EEPD1: variants seen among roughly 807,000 people sequenced by gnomAD.
EEPD1 encodes endonuclease/exonuclease/phosphatase family domain containing 1.
EEPD1 carries 17 observed loss-of-function variants against 46.3 expected under a neutral mutation model. That is an observed-to-expected ratio of 0.37 (90% CI 0.25 to 0.55). The LOEUF is 0.55. Among genes scored for constraint, EEPD1 ranks in the 20% least tolerant of loss-of-function variants. EEPD1 has a pLI of 0.83. For synonymous variants in EEPD1, 313 were observed against 315.6 expected (o/e 0.99, Z 0.09); for missense variants, 673 against 745.6 (o/e 0.90, Z 1.13).
chr7:36,287,519 C>A (rs1464461219), intron 5 of EEPD1, 120 bp from the exon 6 acceptor site: 5 of 1,438,350 alleles, frequency 3.5e-6, no homozygotes, highest in South Asian at 2.8e-5. Flanking sequence ...TGTGAGCCAG[C>A]CTTGTTCTTG....
chr7:36,178,335 G>A (rs1785218710), intron 2 of EEPD1, among the ~76,000 whole-genome samples: 1 of 152,178 alleles, frequency 6.6e-6, no homozygotes, highest in Admixed American at 6.5e-5. Context: ...CAGTAAAGGT[G>A]GAATTCTGAA....
At chr7:36,237,730 CA>C (rs1786480564) in intron 2 of EEPD1, among the ~76,000 whole-genome samples, 1 of 152,142 alleles carries the variant, frequency 6.6e-6, no homozygotes, top group Admixed American at 6.5e-5. Flanking sequence ...GTGGGTGGAT[CA>C]CTTGAAGCCG....
chr7:36,213,107 C>T (rs746321837), intron 2 of EEPD1, among the ~76,000 whole-genome samples: 110 of 152,080 alleles, frequency 7.2e-4, no homozygotes, highest in Non-Finnish European at 1.4e-3. Context: ...GAGCCCAGAT[C>T]GTACCACTGC....
chr7:36,296,858 G>T (rs1787533336), intron 6 of EEPD1, 135 bp from the exon 7 acceptor site: 3 of 773,278 alleles, frequency 3.9e-6, no homozygotes, highest in Non-Finnish European at 6.1e-6. Context: ...AGTGAGGAGA[G>T]TGAGAACCAT....
At chr7:36,243,607 T>C (rs1426481645) in intron 3 of EEPD1, among the ~76,000 whole-genome samples, 1 of 152,120 alleles carries the variant, frequency 6.6e-6, no homozygotes, top group Non-Finnish European at 1.5e-5. Context: ...GTCCCAACAG[T>C]GGGGACCTGC....
chr7:36,197,713 C>T (rs1307642807), intron 2 of EEPD1, among the ~76,000 whole-genome samples: 2 of 151,950 alleles, frequency 1.3e-5, no homozygotes, highest in Non-Finnish European at 2.9e-5. Context: ...TGCTTGAAGG[C>T]AGCATGCTCG....
intron 2 of EEPD1, among the ~76,000 whole-genome samples, chr7:36,163,059 A>T (rs1009613915): frequency 1.3e-5 from 2 of 152,058 alleles, no homozygotes; most frequent in Admixed American, 6.5e-5. Context: ...TAAAAAAAAC[A>T]CTTCTCTAGA....
chr7:36,161,354 A>C (rs1001752979), intron 2 of EEPD1, among the ~76,000 whole-genome samples: 1 of 152,068 alleles, frequency 6.6e-6, no homozygotes, highest in Non-Finnish European at 1.5e-5. Context: ...TTGCTAAGAG[A>C]CCTGAGAGCA....
intron 3 of EEPD1, among the ~76,000 whole-genome samples, chr7:36,263,762 A>G (rs1339860279): frequency 3.9e-5 from 6 of 152,222 alleles, no homozygotes. Flanking sequence ...CACCTCTAGC[A>G]GGTAAGTTCT....
chr7:36,277,320 A>G (rs1397268710), intron 3 of EEPD1, among the ~76,000 whole-genome samples: 3 of 152,378 alleles, frequency 2.0e-5, no homozygotes, highest in Admixed American at 1.3e-4. Flanking sequence ...CACTGTACTC[A>G]TGAATCACTG....
At chr7:36,277,178 G>A (rs748389857) in intron 3 of EEPD1, among the ~76,000 whole-genome samples, 2 of 152,256 alleles carry the variant, frequency 1.3e-5, no homozygotes, top group Admixed American at 6.5e-5. Flanking sequence ...TTTTGAATCT[G>A]CCCTGCCTCC....
chr7:36,289,269 C>T (rs923115491), intron 6 of EEPD1, among the ~76,000 whole-genome samples: 2 of 152,148 alleles, frequency 1.3e-5, no homozygotes, highest in African/African-American at 4.8e-5. Flanking sequence ...TACCACCATC[C>T]GTCTCCAGAA....
At chr7:36,157,292 A>G (rs6947599) in intron 2 of EEPD1, among the ~76,000 whole-genome samples, 2,667 of 152,208 alleles carry the variant, frequency 0.018, 73 homozygotes, top group African/African-American at 0.061. Flanking sequence ...TAATTATTCA[A>G]CCTTGTGATA....
At position 36,263,679 on chromosome 7, in the gene EEPD1, C is replaced by T. The variant is rs566330856; in HGVS notation, c.931-17436C>T. ...TTTGCCCAAATCCCAACATTTGCATCAGCTCCTGGGAGAGCATCAGGGCCT... is the reference window on the plus strand; with the variant it reads ...TTTGCCCAAATCCCAACATTTGCATTAGCTCCTGGGAGAGCATCAGGGCCT... On this transcript the variant is annotated intron_variant, in intron 3 of 7. Coordinates refer to ENST00000242108, the MANE Select transcript of EEPD1 (RefSeq NM_030636.3). Among the ~76,000 whole-genome samples the T allele has an allele frequency of 2.7e-5, 4 of 148,830 alleles. 1 individual carries two copies. The South Asian group carries it at 8.3e-4, about 31-fold the overall frequency.
chr7:36,204,373 T>C (rs532219010), intron 2 of EEPD1, among the ~76,000 whole-genome samples: 3 of 152,106 alleles, frequency 2.0e-5, no homozygotes, highest in Non-Finnish European at 2.9e-5. Context: ...AATGGCTGCA[T>C]TGGATGAAGG....
intron 3 of EEPD1, among the ~76,000 whole-genome samples, chr7:36,272,841 G>A (rs1052260635): frequency 2.6e-5 from 4 of 152,200 alleles, no homozygotes; most frequent in African/African-American, 9.6e-5. Context: ...TGTGACACAG[G>A]AGCAGGAAGC....
chr7:36,239,095 GAAA>G, intron 3 of EEPD1, 59 bp downstream of exon 3: 1 of 1,554,782 alleles, frequency 6.4e-7, no homozygotes, highest in Non-Finnish European at 8.8e-7. Context: ...CCACACATAA[GAAA>G]AATTCAACTC....
At chr7:36,272,165 G>C (rs561500862) in intron 3 of EEPD1, among the ~76,000 whole-genome samples, 35 of 149,744 alleles carry the variant, frequency 2.3e-4, no homozygotes, top group Non-Finnish European at 4.6e-4. Flanking sequence ...TTACAGGCAT[G>C]AACCACCACC....
intron 2 of EEPD1, among the ~76,000 whole-genome samples, chr7:36,172,906 A>T (rs1441816343): frequency 7.2e-5 from 2 of 27,880 alleles, no homozygotes; most frequent in Non-Finnish European, 1.4e-4. Context: ...GGGGGTGGGG[A>T]GGGCAGGGGG....
Sources: gnomAD v4.1 joint callset for allele counts (sites outside exome capture counted in the v4.1 genomes callset) on GRCh38, gnomAD v4.1.1 for gene constraint, MANE v1.5 for transcripts, NCBI Gene and HGNC (gene_info 2026-07-23, HGNC 2026-07-21) for gene names.